The following POLI variants were observed in gnomAD, a reference collection of about 807,000 sequenced individuals.
POLI encodes the protein RAD30 homolog B.
POLI carries 58 observed loss-of-function variants against 51.6 expected under a neutral mutation model. That is an observed-to-expected ratio of 1.12 (90% CI 0.91 to 1.40). The LOEUF is 1.40. Ranked by LOEUF, POLI falls within the 40% of genes most tolerant of loss-of-function variation. The pLI, the probability that POLI is intolerant of heterozygous loss-of-function variation, is 0.00. For synonymous variants in POLI, 322 were observed against 299.7 expected, an observed-to-expected ratio of 1.07 and a Z score of -0.77; for missense variants, 921 against 871.3, an observed-to-expected ratio of 1.06 and a Z score of -0.72.
chr18:54,276,939 T>TG (rs2087270317), intron 3 of POLI, among the ~76,000 whole-genome samples: 1 of 152,184 alleles, frequency 6.6e-6, no homozygotes, highest in Non-Finnish European at 1.5e-5. Flanking sequence ...ATCCAGCTGG[T>TG]GTCAGTAGAA....
chr18:54,310,922 C>G (rs2088661280), intron 3 of POLI, among the ~76,000 whole-genome samples: 1 of 151,786 alleles, frequency 6.6e-6, no homozygotes, highest in Non-Finnish European at 1.5e-5. Flanking sequence ...CAGATAAGCT[C>G]TTTTTATTAA....
intron 8 of POLI, among the ~76,000 whole-genome samples, chr18:54,288,400 T>C (rs1302690105): frequency 6.6e-6 from 1 of 152,178 alleles, no homozygotes; most frequent in Non-Finnish European, 1.5e-5. Flanking sequence ...TTATGTGTGG[T>C]ATACGGTAAG....
At chr18:54,315,441 G>A (rs1323098230) in intron 3 of POLI, among the ~76,000 whole-genome samples, 1 of 152,068 alleles carries the variant, frequency 6.6e-6, no homozygotes, top group Admixed American at 6.6e-5. Flanking sequence ...ATATTCTGTG[G>A]TTGCTGGGTG....
In POLI at chr18:54,297,209, A is replaced by T; in HGVS notation, c.*2742A>T. On this transcript the variant is annotated 3_prime_UTR_variant, in exon 10 of 10. Transcript: ENST00000579534. ...TGCTGTTAGCTATCTGCCTCCAGGGATAAACCCCATCTTTCAAGCTTGCTT... is the reference window on the plus strand; with the variant it reads ...TGCTGTTAGCTATCTGCCTCCAGGGTTAAACCCCATCTTTCAAGCTTGCTT... 4 of 984,840 alleles carry T rather than the reference A, an allele frequency of 4.1e-6. No individual in the cohort carries two copies. The highest frequency in any genetic ancestry group is 4.8e-6 in the Non-Finnish European group (4 of 829,868). 61.0% of individuals were successfully genotyped at this position (984,840 alleles called of 1,614,324 possible).
intron 7 of POLI, 133 bp downstream of exon 7, chr18:54,284,146 A>C (rs577295090): frequency 2.0e-6 from 1 of 507,728 alleles, no homozygotes; most frequent in South Asian, 3.0e-5. Context: ...ATAATTTATC[A>C]TGGGATTTCT....
At position 54,282,829 on chromosome 18, in the gene POLI, T is replaced by A; in HGVS notation, c.797-8T>A. ...ATTTTAACATTGTATGCATTTCTTT[T>A]TATTTAGGTATTGGCTATAAAACTG... On this transcript the variant is annotated splice_region_variant and splice_polypyrimidine_tract_variant and intron_variant, in intron 5 of 9. Coordinates refer to ENST00000579534, the MANE Select transcript of POLI (RefSeq NM_007195.3). The A allele has an allele frequency of 6.8e-7, 1 of 1,480,480 alleles. No individual in the cohort carries two copies. 91.7% of individuals were successfully genotyped at this position (1,480,480 alleles called of 1,614,324 possible). A position where few individuals can be genotyped will look rare whatever the true frequency, so the allele number is the denominator to read the frequency against.
chr18:54,305,065 TG>T (rs2088559243), intron 3 of POLI, among the ~76,000 whole-genome samples: 3 of 152,204 alleles, frequency 2.0e-5, no homozygotes, highest in South Asian at 4.1e-4. Context: ...AAAGATCAGA[TG>T]GTTGTAGATG....
chr18:54,271,313 A>G, intron 1 of POLI, 47 bp from the exon 2 acceptor site: 1 of 1,567,374 alleles, frequency 6.4e-7, no homozygotes, highest in Non-Finnish European at 8.7e-7. Flanking sequence ...TTGCTCAGAG[A>G]TAATAAGCAG....
chr18:54,306,096 A>C (rs2088581367), intron 3 of POLI, among the ~76,000 whole-genome samples: 2 of 152,168 alleles, frequency 1.3e-5, no homozygotes, highest in African/African-American at 4.8e-5. Context: ...CCCTGGCCAG[A>C]ACTTCCAACA....
intron 8 of POLI, among the ~76,000 whole-genome samples, chr18:54,290,847 G>A (rs1332318390): frequency 9.9e-5 from 15 of 152,148 alleles, no homozygotes; most frequent in Admixed American, 9.8e-4. Context: ...GGCTGAGGGA[G>A]GGATAGCATT....
rs1182202066 is a variant in POLI at position 54,297,179 on chromosome 18, G to A, written c.*2712G>A. Reference sequence around the variant, plus strand: ...CTGCAGGTCAATTCCAAACTAACAGGCAGATGCTGTTAGCTATCTGCCTCC... The same window carrying A: ...CTGCAGGTCAATTCCAAACTAACAGACAGATGCTGTTAGCTATCTGCCTCC... On this transcript the variant is annotated 3_prime_UTR_variant, in exon 10 of 10. Coordinates refer to ENST00000579534, the MANE Select transcript of POLI (RefSeq NM_007195.3). The A allele has an allele frequency of 1.0e-6, 1 of 985,112 alleles. No homozygotes were observed. The highest frequency in any genetic ancestry group is 6.2e-5 in the Admixed American group (1 of 16,256). The allele number at this position is 985,112 out of a possible 1,614,324, so 61.0% of individuals were successfully genotyped here.
chr18:54,311,994 T>C (rs983163419), intron 3 of POLI, among the ~76,000 whole-genome samples: 2 of 152,190 alleles, frequency 1.3e-5, no homozygotes, highest in Admixed American at 6.6e-5. Context: ...TGTGCAGGTT[T>C]GTTACAGAGA....
chr18:54,283,419 A>C (rs1350592162), intron 6 of POLI, among the ~76,000 whole-genome samples: 1 of 152,146 alleles, frequency 6.6e-6, no homozygotes, highest in Non-Finnish European at 1.5e-5. Context: ...TGCTTTAAAT[A>C]TGTTAGTCCA....
chr18:54,308,609 T>C (rs1183332322), intron 3 of POLI, among the ~76,000 whole-genome samples: 1 of 152,158 alleles, frequency 6.6e-6, no homozygotes, highest in East Asian at 1.9e-4. Context: ...CTGTATTTCC[T>C]GAATTTGAAT....
In POLI at chr18:54,294,478, C is replaced by A; in HGVS notation, c.*11C>A. Reference sequence around the variant, plus strand: ...ATTGGACATAAATAAGCATATTCAGCAAAAAGGTCTGAAAAGCAAGGGAAT... The same window carrying A: ...ATTGGACATAAATAAGCATATTCAGAAAAAAGGTCTGAAAAGCAAGGGAAT... On this transcript the variant is annotated 3_prime_UTR_variant, in exon 10 of 10. Coordinates refer to ENST00000579534, the MANE Select transcript of POLI (RefSeq NM_007195.3). 1 of 1,564,528 alleles carries A rather than the reference C, an allele frequency of 6.4e-7. No individual in the cohort carries two copies. The highest frequency in any genetic ancestry group is 8.6e-7 in the Non-Finnish European group (1 of 1,159,726).
chr18:54,313,408 T>C (rs1368622242), intron 3 of POLI, among the ~76,000 whole-genome samples: 1 of 152,200 alleles, frequency 6.6e-6, no homozygotes, highest in Non-Finnish European at 1.5e-5. Context: ...AGCTTTGTTC[T>C]TTTTGCTTAG....
Position 54,269,543 on chromosome 18 carries a change from C to T in POLI, c.-4C>T. On this transcript the variant is annotated 5_prime_UTR_variant, in exon 1 of 10. Coordinates refer to ENST00000579534, the MANE Select transcript of POLI (RefSeq NM_007195.3). Reference sequence around the variant, plus strand: ...GAAGTAGCGCTGCGGTTGGCAGCGGCGGGATGGAGAAGCTGGGGGTGGAGC... The same window carrying T: ...GAAGTAGCGCTGCGGTTGGCAGCGGTGGGATGGAGAAGCTGGGGGTGGAGC... 1 of 1,506,898 alleles carries T rather than the reference C, an allele frequency of 6.6e-7. No homozygotes were observed. Among genetic ancestry groups the T allele is most frequent in the Non-Finnish European group, 8.8e-7 (1 of 1,132,118 alleles). 93.3% of individuals were successfully genotyped at this position (1,506,898 alleles called of 1,614,324 possible). A position where few individuals can be genotyped will look rare whatever the true frequency, so the allele number is the denominator to read the frequency against.
intron 3 of POLI, among the ~76,000 whole-genome samples, chr18:54,304,995 T>C (rs1599273326): frequency 6.6e-6 from 1 of 152,192 alleles, no homozygotes; most frequent in Non-Finnish European, 1.5e-5. Context: ...GCCAGTTTTC[T>C]CAGCACCATT....
chr18:54,294,988 T>C lies in POLI; in HGVS notation c.*521T>C, dbSNP rs2144605869. The C allele has an allele frequency of 2.0e-6, 2 of 984,858 alleles. No individual in the cohort carries two copies. The highest frequency in any genetic ancestry group is 2.4e-6 in the Non-Finnish European group (2 of 829,384). The allele number at this position is 984,858 out of a possible 1,614,324, so 61.0% of individuals were successfully genotyped here. A position where few individuals can be genotyped will look rare whatever the true frequency, so the allele number is the denominator to read the frequency against. On this transcript the variant is annotated 3_prime_UTR_variant, in exon 10 of 10. Transcript: ENST00000579534. ...AATACCAAAGCAATTTATATTCAAT[T>C]AATGCTTCTTCATACACCAAGAATC...
Sources: gnomAD v4.1 joint callset for allele counts (sites outside exome capture counted in the v4.1 genomes callset) on GRCh38, gnomAD v4.1.1 for gene constraint, MANE v1.5 for transcripts, NCBI Gene and HGNC (gene_info 2026-07-23, HGNC 2026-07-21) for gene names.